Variants in EGLN1 observed in about 807,000 individuals in gnomAD.
EGLN1 encodes egl-9 family hypoxia inducible factor 1.
In EGLN1, 17 loss-of-function variants were observed where a neutral mutation model predicts 38.3. The observed-to-expected ratio is 0.44, with a 90% CI of 0.30 to 0.67. EGLN1 has a LOEUF of 0.67. Ranked by LOEUF, EGLN1 falls within the 30% of genes least tolerant of loss-of-function variation. The pLI is 0.08. For missense variants in EGLN1, 477 were observed against 603.3 expected, an observed-to-expected ratio of 0.79 and a Z score of 2.19; for synonymous variants, 283 against 257.5, an observed-to-expected ratio of 1.10 and a Z score of -0.95.
chr1:231,386,887 T>C (rs1439624107), intron 1 of EGLN1, among the ~76,000 whole-genome samples: 2 of 152,100 alleles, frequency 1.3e-5, no homozygotes, highest in Non-Finnish European at 2.9e-5. Context: ...AGACACAAGG[T>C]CTCATTCTGT....
chr1:231,406,139 G>A (rs1369212617), intron 1 of EGLN1, among the ~76,000 whole-genome samples: 1 of 140,802 alleles, frequency 7.1e-6, no homozygotes, highest in Non-Finnish European at 1.5e-5. Context: ...TCCAGCCTGG[G>A]CGACAGAGCC....
chr1:231,379,829 C>A (rs1017887887), intron 1 of EGLN1, among the ~76,000 whole-genome samples: 1 of 152,136 alleles, frequency 6.6e-6, no homozygotes, highest in East Asian at 1.9e-4. Flanking sequence ...TATAACAAAA[C>A]GACACTGAAC....
At chr1:231,414,424 A>G (rs1689024151) in intron 1 of EGLN1, among the ~76,000 whole-genome samples, 1 of 152,166 alleles carries the variant, frequency 6.6e-6, no homozygotes. Flanking sequence ...CTGATGGGAG[A>G]GAAAAGGGAA....
chr1:231,408,369 G>C (rs1244855788), intron 1 of EGLN1, among the ~76,000 whole-genome samples: 4 of 152,190 alleles, frequency 2.6e-5, no homozygotes, highest in East Asian at 1.9e-4. Context: ...TCAAAGAGCA[G>C]TAGCAAATCA....
At chr1:231,386,275 T>A (rs1359666379) in intron 1 of EGLN1, among the ~76,000 whole-genome samples, 1 of 152,236 alleles carries the variant, frequency 6.6e-6, no homozygotes, top group Admixed American at 6.5e-5. Context: ...CATTTACAAA[T>A]AATTATCTCA....
chr1:231,384,846 C>T (rs1303435311), intron 1 of EGLN1, among the ~76,000 whole-genome samples: 1 of 152,202 alleles, frequency 6.6e-6, no homozygotes, highest in Non-Finnish European at 1.5e-5. Context: ...TGCTTTTGTG[C>T]CCCAACTCCG....
At chr1:231,398,331 T>C (rs1688582046) in intron 1 of EGLN1, among the ~76,000 whole-genome samples, 1 of 102,316 alleles carries the variant, frequency 9.8e-6, no homozygotes, top group East Asian at 2.8e-4. Context: ...TCCAACATCT[T>C]TTTCTTTTTT....
At chr1:231,366,999 A>G (rs912876557) in intron 4 of EGLN1, among the ~76,000 whole-genome samples, 3 of 152,326 alleles carry the variant, frequency 2.0e-5, no homozygotes, top group East Asian at 1.9e-4. Context: ...GAGGCAGTCC[A>G]TAAGTGGAAG....
At chr1:231,419,526 G>A (rs924137291) in intron 1 of EGLN1, among the ~76,000 whole-genome samples, 1 of 152,140 alleles carries the variant, frequency 6.6e-6, no homozygotes, top group Non-Finnish European at 1.5e-5. Flanking sequence ...TGGAGCTCAG[G>A]ACTTTATGTT....
intron 1 of EGLN1, among the ~76,000 whole-genome samples, chr1:231,408,182 G>A (rs1385651196): frequency 6.6e-6 from 1 of 152,188 alleles, no homozygotes; most frequent in East Asian, 1.9e-4. Flanking sequence ...GACATTCAGA[G>A]TTCGGGAGGA....
At chr1:231,370,073 G>A (rs1393375684) in intron 3 of EGLN1, among the ~76,000 whole-genome samples, 5 of 152,068 alleles carry the variant, frequency 3.3e-5, no homozygotes, top group Non-Finnish European at 7.4e-5. Context: ...TCCCACACAT[G>A]GTAACCTGTT....
chr1:231,412,236 G>C (rs902062647), intron 1 of EGLN1, among the ~76,000 whole-genome samples: 2 of 151,884 alleles, frequency 1.3e-5, no homozygotes, highest in African/African-American at 4.8e-5. Flanking sequence ...ACTACTTTAG[G>C]AAGCTATCAT....
intron 1 of EGLN1, among the ~76,000 whole-genome samples, chr1:231,387,356 T>C (rs1688245740): frequency 6.6e-6 from 1 of 150,678 alleles, no homozygotes; most frequent in Non-Finnish European, 1.5e-5. Context: ...AACCTATTTT[T>C]TTAATTTTTT....
At chr1:231,388,243 A>G (rs181846451) in intron 1 of EGLN1, among the ~76,000 whole-genome samples, 1 of 150,458 alleles carries the variant, frequency 6.6e-6, no homozygotes, top group African/African-American at 2.4e-5. Flanking sequence ...TGGAGGCCTC[A>G]CATTTGTAAT....
At chr1:231,391,083 G>GTTTTTTTTTT (rs111257907) in intron 1 of EGLN1, among the ~76,000 whole-genome samples, 13 of 49,836 alleles carry the variant, frequency 2.6e-4, no homozygotes, top group African/African-American at 5.8e-4. Flanking sequence ...AACTCATTCT[G>GTTTTTTTTTT]TTTTTTTTTT....
intron 1 of EGLN1, among the ~76,000 whole-genome samples, chr1:231,385,375 T>C (rs1012612115): frequency 1.3e-5 from 2 of 152,168 alleles, no homozygotes; most frequent in Non-Finnish European, 1.5e-5. Context: ...GACCAGTCCA[T>C]GCGCTGACTA....
intron 1 of EGLN1, among the ~76,000 whole-genome samples, chr1:231,380,831 T>A (rs1385121437): frequency 6.6e-6 from 1 of 152,132 alleles, no homozygotes; most frequent in Non-Finnish European, 1.5e-5. Context: ...AAGTCAGCAT[T>A]TTTCATATTT....
At chr1:231,403,030 A>G (rs1638639944) in intron 1 of EGLN1, among the ~76,000 whole-genome samples, 1 of 152,042 alleles carries the variant, frequency 6.6e-6, no homozygotes, top group Non-Finnish European at 1.5e-5. Context: ...TCGCTGTTTA[A>G]TTTCCACATA....
In EGLN1 at chr1:231,409,724, G is replaced by A. The variant is rs138767776; in HGVS notation, c.891+11274C>T. On this transcript the variant is annotated intron_variant, in intron 1 of 4. Transcript: ENST00000366641. ...CCTAATAGCTGAAGTCATGATTGTT[G>A]TTATTACTATTATTTGTTACAGTTA... is the stretch of plus-strand genomic sequence containing the variant. Among the ~76,000 whole-genome samples, 6 of 152,268 alleles carry A rather than the reference G, an allele frequency of 3.9e-5. No homozygotes were observed. The East Asian group carries it at 1.2e-3, about 30-fold the overall frequency.
Sources: gnomAD v4.1 joint callset for allele counts (sites outside exome capture counted in the v4.1 genomes callset) on GRCh38, gnomAD v4.1.1 for gene constraint, MANE v1.5 for transcripts, NCBI Gene and HGNC (gene_info 2026-07-23, HGNC 2026-07-21) for gene names.